COL11A2: variants seen among roughly 807,000 people sequenced by gnomAD.
COL11A2 encodes the protein collagen alpha-2(XI) chain.
Under a neutral mutation model 273.4 loss-of-function variants are expected in COL11A2, and 116 were observed. The ratio of observed to expected loss-of-function variants is 0.42; its 90% CI spans 0.36 to 0.49. The LOEUF (loss-of-function observed/expected upper bound fraction) is 0.49, where lower values mean the gene tolerates loss of function less well. Ranked by LOEUF, COL11A2 falls within the 20% of genes least tolerant of loss-of-function variation. COL11A2 has a pLI of 0.00. For synonymous variants in COL11A2, 782 were observed against 864.2 expected (o/e 0.90, Z 1.67); for missense variants, 1,866 against 2,309.0 (o/e 0.81, Z 3.93).
rs749490768 is a variant in COL11A2 at position 33,180,211 on chromosome 6, C to T, written c.1359+47G>A. 3.2e-6 allele frequency: 5 copies of T among 1,562,948 alleles called. No individual in the cohort carries two copies. The African/African-American group carries it at 4.1e-5, about 13-fold the overall frequency. On this transcript the variant is annotated intron_variant, in intron 12 of 65. Coordinates refer to ENST00000341947, the MANE Select transcript of COL11A2 (RefSeq NM_080680.3). Reference sequence around the variant, plus strand: ...TGGTTCTTGGTAACATGACACAATTCCTTGTCTTCCCCATCAGCATGTTCC... The same window carrying T: ...TGGTTCTTGGTAACATGACACAATTTCTTGTCTTCCCCATCAGCATGTTCC...
chr6:33,185,771 T>C lies in COL11A2; in HGVS notation c.806A>G (p.Glu269Gly). 7.8e-7 allele frequency: 1 copy of C among 1,287,628 alleles called. No individual in the cohort carries two copies. Among genetic ancestry groups the C allele is most frequent in the Non-Finnish European group, 1.0e-6 (1 of 962,206 alleles). The allele number at this position is 1,287,628 out of a possible 1,614,324, so 79.8% of individuals were successfully genotyped here. A position where few individuals can be genotyped will look rare whatever the true frequency, so the allele number is the denominator to read the frequency against. ...GGGCTCGTAGTCATAGTAGAGAGACTCAGTGGGCTGGGATTGGGGGGTGGG... is the reference window on the plus strand; with the variant it reads ...GGGCTCGTAGTCATAGTAGAGAGACCCAGTGGGCTGGGATTGGGGGGTGGG... ...QNQEPQSQPTESLYYDYEPPY... is the reference protein window; with the variant it reads ...QNQEPQSQPTGSLYYDYEPPY... Residue 269 changes from glutamate (E) to glycine (G), a missense_variant, in exon 6 of 66, where the codon GAG becomes GGG. By Grantham distance (98) the Glu-to-Gly change is moderately conservative (BLOSUM62 -2). Coordinates refer to ENST00000341947, the MANE Select transcript of COL11A2 (RefSeq NM_080680.3).
chr6:33,170,222 G>T lies in COL11A2; in HGVS notation c.3582+104C>A. 6.4e-7 allele frequency: 1 copy of T among 1,565,018 alleles called. No individual in the cohort carries two copies. The highest frequency in any genetic ancestry group is 8.8e-7 in the Non-Finnish European group (1 of 1,139,300). ...GCAGTGGAGGCCTCCCGGGAGTAAG[G>T]GCTTCTCTTGGCCCCTGAGACGATA... On this transcript the variant is annotated intron_variant, in intron 48 of 65. Coordinates refer to ENST00000341947, the MANE Select transcript of COL11A2 (RefSeq NM_080680.3). This position sits in a 1 kb window ranked among gnomAD's most constrained non-coding sequence, Gnocchi z 4.3.
chr6:33,186,028 G>T (rs1159106937), intron 5 of COL11A2, among the ~76,000 whole-genome samples: 2 of 151,852 alleles, frequency 1.3e-5, no homozygotes, highest in Non-Finnish European at 2.9e-5. Context: ...TTGACCCTCT[G>T]ATCTTTAGAC....
intron 5 of COL11A2, among the ~76,000 whole-genome samples, chr6:33,186,092 G>C (rs112083140): frequency 1.3e-5 from 2 of 151,912 alleles, no homozygotes; most frequent in African/African-American, 4.8e-5. Context: ...ATCCAACCCA[G>C]GCTCCCTTCC....
chr6:33,166,103 G>T lies in COL11A2; in HGVS notation c.4428+68C>A. ...GGGGCTCCTTGGGGGGAGTCTATTT[G>T]TCCTGGAGAGACATCATCAAGTCCA... On this transcript the variant is annotated intron_variant, in intron 61 of 65. Transcript: ENST00000341947. The surrounding 1 kb of genome is among the most constrained non-coding windows in gnomAD (Gnocchi z 4.8). 1 of 1,602,862 alleles carries T rather than the reference G, an allele frequency of 6.2e-7. No homozygotes were observed. Among genetic ancestry groups the T allele is most frequent in the Non-Finnish European group, 8.5e-7 (1 of 1,174,186 alleles).
intron 11 of COL11A2, 57 bp downstream of exon 11, chr6:33,180,611 C>T (rs1771597648): frequency 6.7e-7 from 1 of 1,494,848 alleles, no homozygotes; most frequent in South Asian, 1.2e-5. Flanking sequence ...TAGCCCCCCG[C>T]TTGGATACCA....
At chr6:33,171,691 TC>T in intron 42 of COL11A2, 21 bp downstream of exon 42, 1 of 1,545,498 alleles carries the variant, frequency 6.5e-7, no homozygotes, top group Non-Finnish European at 8.9e-7. Context: ...CCAGTACCCC[TC>T]CCCAATACCC....
intron 29 of COL11A2, 109 bp downstream of exon 29, chr6:33,175,907 C>T: frequency 7.2e-7 from 1 of 1,391,158 alleles, no homozygotes; most frequent in Non-Finnish European, 1.0e-6. Flanking sequence ...GAACACAGCA[C>T]TGGAACTGTG....
chr6:33,170,068 G>A lies in COL11A2; in HGVS notation c.3615C>T (p.Asn1205=), dbSNP rs141967872. 4 of 1,612,946 alleles carry A rather than the reference G, an allele frequency of 2.5e-6. No homozygotes were observed. The East Asian group carries it at 8.9e-5, about 36-fold the overall frequency. The change falls in exon 49 of 66, where the codon AAC becomes AAT. Residue 1205 remains asparagine, a synonymous_variant. Coordinates refer to ENST00000341947, the MANE Select transcript of COL11A2 (RefSeq NM_080680.3). The surrounding 1 kb of genome is among the most constrained non-coding windows in gnomAD (Gnocchi z 4.3). ...GPQGPPGGVG[N]LGPPGEKGEP... is the part of the protein sequence containing the mutation. ...TTACCTTCTCTCCAGGGGGACCCAG[G>A]TTCCCAACACCTCCTGGGGGACCTT... is the stretch of plus-strand genomic sequence containing the variant.
At chr6:33,188,255 A>G (rs1440293384) in intron 4 of COL11A2, 107 bp downstream of exon 4, 1 of 1,363,986 alleles carries the variant, frequency 7.3e-7, no homozygotes, top group African/African-American at 1.4e-5. Context: ...CATAAGAAAA[A>G]AAAATGAAGG....
Position 33,165,757 on chromosome 6 carries a change from G to A in COL11A2, c.4542C>T (p.Arg1514=), listed in dbSNP as rs751435751. The A allele has an allele frequency of 1.9e-6, 3 of 1,612,674 alleles. No homozygotes were observed. Among genetic ancestry groups the A allele is most frequent in the Non-Finnish European group, 1.7e-6 (2 of 1,180,016 alleles). The change falls in exon 63 of 66, where the codon CGC becomes CGT. Residue 1514 remains arginine, a synonymous_variant. Transcript: ENST00000341947. This position sits in a 1 kb window ranked among gnomAD's most constrained non-coding sequence, Gnocchi z 7.7. ...LPIQMPKKTR[R]SVDGSRLMQE... is the part of the protein sequence containing the mutation. ...GCATCAGACGGCTTCCATCCACCGAGCGCCGAGTCTTCTTGGGCATCTGAA... is the reference window on the plus strand; with the variant it reads ...GCATCAGACGGCTTCCATCCACCGAACGCCGAGTCTTCTTGGGCATCTGAA...
Position 33,167,428 on chromosome 6 carries a change from C to T in COL11A2, c.4120G>A (p.Val1374Met), listed in dbSNP as rs1769320269. ...PDGLRGLPGS[V>M]GQQGRPGATG... Reference sequence around the variant, plus strand: ...AGCCCTTCCCTGCAGTGACTCACCACTGAGCCTGGGAGCCCCCTCAGACCA... The same window carrying T: ...AGCCCTTCCCTGCAGTGACTCACCATTGAGCCTGGGAGCCCCCTCAGACCA... Residue 1374 changes from valine to methionine, a missense_variant and splice_region_variant, in exon 56 of 66, where the codon GTG (valine) becomes ATG (methionine). Physicochemically the swap from Val to Met is conservative, Grantham distance 21 (BLOSUM62 1). Transcript: ENST00000341947. The surrounding 1 kb of genome is among the most constrained non-coding windows in gnomAD (Gnocchi z 6.1). 6.2e-7 allele frequency: 1 copy of T among 1,612,776 alleles called. No individual in the cohort carries two copies. Among genetic ancestry groups the T allele is most frequent in the Non-Finnish European group, 8.5e-7 (1 of 1,180,006 alleles).
In COL11A2 at chr6:33,176,716, C is replaced by T; in HGVS notation, c.2115+5G>A. Reference sequence around the variant, plus strand: ...CTCAGGGGATAAAGACATGGAAGATCTCACCTGGTTTCCTTTGGTTCCAGG... The same window carrying T: ...CTCAGGGGATAAAGACATGGAAGATTTCACCTGGTTTCCTTTGGTTCCAGG... On this transcript the variant is annotated splice_donor_5th_base_variant and intron_variant, in intron 26 of 65. Coordinates refer to ENST00000341947, the MANE Select transcript of COL11A2 (RefSeq NM_080680.3). The surrounding 1 kb of genome is among the most constrained non-coding windows in gnomAD (Gnocchi z 4.9). 2 of 1,612,820 alleles carry T rather than the reference C, an allele frequency of 1.2e-6. No homozygotes were observed. The highest frequency in any genetic ancestry group is 1.7e-6 in the Non-Finnish European group (2 of 1,179,402).
At chr6:33,193,235 C>T (rs1018784244), upstream of COL11A2, among the ~76,000 whole-genome samples, 8 of 151,962 alleles carry the variant, frequency 5.3e-5, no homozygotes, top group African/African-American at 1.9e-4. Flanking sequence ...GCCCAGTGCG[C>T]CCCCACGAGC....
At position 33,177,000 on chromosome 6, in the gene COL11A2, C is replaced by T. The variant is rs754930743; in HGVS notation, c.2062G>A (p.Gly688Arg). The change falls in exon 25 of 66, where the codon GGA becomes AGA. Residue 688 changes from glycine to arginine, a missense_variant. Gly to Arg is a moderately radical substitution (Grantham distance 125). Transcript: ENST00000341947. This position sits in a 1 kb window ranked among gnomAD's most constrained non-coding sequence, Gnocchi z 4.9. ...PGLPGMPGSDGPPGHPGKEGP... is the reference protein window; with the variant it reads ...PGLPGMPGSDRPPGHPGKEGP... ...AGTGGGGTCCCACTCACCGGGGGTCCGTCTGAGCCAGGCATGCCGGGGAGC... is the reference window on the plus strand; with the variant it reads ...AGTGGGGTCCCACTCACCGGGGGTCTGTCTGAGCCAGGCATGCCGGGGAGC... The T allele has an allele frequency of 3.7e-6, 6 of 1,611,432 alleles. 1 individual carries two copies. The highest frequency in any genetic ancestry group is 3.3e-5 in the South Asian group (3 of 90,662).
intron 44 of COL11A2, 28 bp downstream of exon 44, chr6:33,171,243 G>A (rs1231966618): frequency 1.2e-6 from 2 of 1,614,146 alleles, no homozygotes; most frequent in Admixed American, 1.7e-5. Flanking sequence ...AGGCCAGGAG[G>A]TCAGAAGTCA....
rs757688682 is a variant in COL11A2, at chr6:33,166,146, G to T, written c.4428+25C>A. 3 of 1,608,574 alleles carry T rather than the reference G, an allele frequency of 1.9e-6. No homozygotes were observed. Among genetic ancestry groups the T allele is most frequent in the Non-Finnish European group, 2.5e-6 (3 of 1,177,864 alleles). On this transcript the variant is annotated intron_variant, in intron 61 of 65. Transcript: ENST00000341947. The surrounding 1 kb of genome is among the most constrained non-coding windows in gnomAD (Gnocchi z 4.8). ...CAAGTCCAGAGGGGGTGGAGCAAAGGTCAGAGCTGAAGGGGGTCACTCACT... is the reference window on the plus strand; with the variant it reads ...CAAGTCCAGAGGGGGTGGAGCAAAGTTCAGAGCTGAAGGGGGTCACTCACT...
chr6:33,173,400 C>A lies in COL11A2; in HGVS notation c.2684G>T (p.Gly895Val). Residue 895 changes from glycine to valine, a missense_variant and splice_region_variant, in exon 37 of 66, where the codon GGC (glycine) becomes GTC (valine). By Grantham distance (109) the Gly-to-Val change is moderately radical. Transcript: ENST00000341947. The surrounding 1 kb of genome is among the most constrained non-coding windows in gnomAD (Gnocchi z 6.3). ...CGGCAGCCCATCCTTCCCAGGGGGG[C>A]CCTGGAAGGGGTTCAGTTGTCAGGT... ...NGFPGPKGPP[G>V]PPGKDGLPGH... The A allele has an allele frequency of 6.2e-7, 1 of 1,613,056 alleles. No homozygotes were observed. Among genetic ancestry groups the A allele is most frequent in the Non-Finnish European group, 8.5e-7 (1 of 1,179,926 alleles).
In COL11A2 at chr6:33,170,566, C is replaced by T; in HGVS notation, c.3519G>A (p.Val1173=). The T allele has an allele frequency of 6.2e-7, 1 of 1,612,326 alleles. No individual in the cohort carries two copies. The highest frequency in any genetic ancestry group is 8.5e-7 in the Non-Finnish European group (1 of 1,179,820). The change falls in exon 47 of 66, where the codon GTG becomes GTA. Residue 1173 remains valine (V), a synonymous_variant. Coordinates refer to ENST00000341947, the MANE Select transcript of COL11A2 (RefSeq NM_080680.3). This position sits in a 1 kb window ranked among gnomAD's most constrained non-coding sequence, Gnocchi z 4.3. The part of the protein sequence containing the change: ...PSGEKGETGD[V]GPMGPPGPPG... ...TAGGGGTCACACTCACCATAGGACCCACATCTCCTGTTTCTCCCTTCTCCC... is the reference window on the plus strand; with the variant it reads ...TAGGGGTCACACTCACCATAGGACCTACATCTCCTGTTTCTCCCTTCTCCC...
Sources: allele counts gnomAD v4.1 joint callset (sites outside exome capture counted in the v4.1 genomes callset), GRCh38; gene constraint gnomAD v4.1.1; non-coding constraint Gnocchi (gnomAD v3.1); transcripts MANE v1.5; gene names NCBI Gene and HGNC (gene_info 2026-07-23, HGNC 2026-07-21).